The following ITGA1 variants were observed in gnomAD, a reference collection of about 807,000 sequenced individuals.
ITGA1 encodes integrin subunit alpha 1.
In ITGA1, 85 loss-of-function variants were observed where a neutral mutation model predicts 145.9. The observed-to-expected ratio is 0.58, with a 90% CI of 0.49 to 0.70. ITGA1 has a LOEUF of 0.70. ITGA1 is among the 30% of genes least tolerant of loss of function. ITGA1 has a pLI of 0.00. For synonymous variants in ITGA1, 520 were observed against 495.3 expected (o/e 1.05, Z -0.66); for missense variants, 1,351 against 1,418.7 (o/e 0.95, Z 0.77).
chr5:52,850,943 C>G (rs1378186880), intron 2 of ITGA1, among the ~76,000 whole-genome samples: 1 of 152,168 alleles, frequency 6.6e-6, no homozygotes, highest in Non-Finnish European at 1.5e-5. Context: ...AGTAGACCAA[C>G]TGGTCAGACT....
chr5:52,907,182 A>G (rs1173357069), intron 12 of ITGA1, among the ~76,000 whole-genome samples: 1 of 152,200 alleles, frequency 6.6e-6, no homozygotes. Context: ...TAGAGTAGCT[A>G]AAGGTCAGCT....
intron 1 of ITGA1, among the ~76,000 whole-genome samples, chr5:52,848,752 G>A (rs368959694): frequency 2.5e-4 from 33 of 132,896 alleles, no homozygotes; most frequent in East Asian, 7.1e-4. Flanking sequence ...AACAGGCTGC[G>A]GTGTGTGATG....
intron 2 of ITGA1, 120 bp downstream of exon 2, chr5:52,849,605 A>G: frequency 1.0e-6 from 1 of 956,980 alleles, no homozygotes; most frequent in Non-Finnish European, 1.5e-6. Context: ...TATGGTAGAA[A>G]ATGCAGTCTA....
At chr5:52,949,840 T>C (rs1259288307) in intron 28 of ITGA1, among the ~76,000 whole-genome samples, 1 of 152,196 alleles carries the variant, frequency 6.6e-6, no homozygotes, top group African/African-American at 2.4e-5. Flanking sequence ...TCAGAAGAGC[T>C]ACTCTTATCC....
At chr5:52,893,220 G>A (rs1413150253) in intron 8 of ITGA1, among the ~76,000 whole-genome samples, 1 of 152,086 alleles carries the variant, frequency 6.6e-6, no homozygotes, top group Non-Finnish European at 1.5e-5. Flanking sequence ...AAATATATAT[G>A]TGCTGGACTG....
In ITGA1 at chr5:52,911,536, A is replaced by C. The variant is rs1468023071; in HGVS notation, c.1857+1117A>C. ...TATATAGTATATATATCTATATATT[A>C]GATACATATACTATATATAGTGTAT... On this transcript the variant is annotated intron_variant, in intron 14 of 28. Coordinates refer to ENST00000282588, the MANE Select transcript of ITGA1 (RefSeq NM_181501.2). Among the ~76,000 whole-genome samples, 915 of 119,522 alleles carry C rather than the reference A, an allele frequency of 7.7e-3. 61 individuals carry two copies. The highest frequency in any genetic ancestry group is 0.028 in the African/African-American group (876 of 31,166). The allele number at this position is 119,522 out of a possible 152,430, so 78.4% of individuals were successfully genotyped here.
At chr5:52,868,944 T>C (rs982384764) in intron 6 of ITGA1, among the ~76,000 whole-genome samples, 2 of 152,220 alleles carry the variant, frequency 1.3e-5, no homozygotes, top group Non-Finnish European at 2.9e-5. Flanking sequence ...CCAAGCTCTA[T>C]GCTATAGCTT....
rs562314145 is a variant in ITGA1 at position 52,790,421 on chromosome 5, T to C, written c.61+2007T>C. Among the ~76,000 whole-genome samples the C allele has an allele frequency of 1.2e-3, 182 of 152,312 alleles. 1 individual carries two copies. Among genetic ancestry groups the C allele is most frequent in the African/African-American group, 4.1e-3 (172 of 41,568 alleles). On this transcript the variant is annotated intron_variant, in intron 1 of 28. Transcript: ENST00000282588. ...AGCTTAAAACAACATAAATTTACTA[T>C]TGTACAGTTCTGTAGGTCAGAAGTA...
chr5:52,871,131 T>G (rs138808869), intron 6 of ITGA1, among the ~76,000 whole-genome samples: 3 of 152,336 alleles, frequency 2.0e-5, no homozygotes, highest in African/African-American at 7.2e-5. Flanking sequence ...TTAGTAGAAG[T>G]AGGAGAGAAG....
chr5:52,904,316 G>A (rs1750362853), intron 11 of ITGA1: 1 of 152,228 alleles, frequency 6.6e-6, no homozygotes, highest in Non-Finnish European at 1.5e-5. Flanking sequence ...CTCATGGTCA[G>A]ATTAACCCAT....
At chr5:52,820,914 C>T (rs56410424) in intron 1 of ITGA1, among the ~76,000 whole-genome samples, 20,055 of 152,100 alleles carry the variant, frequency 0.13, 1,368 homozygotes, top group Middle Eastern at 0.24. Context: ...CCCCTTAGCC[C>T]AGTGGAAAGA....
In ITGA1 at chr5:52,918,719, T is replaced by C. The variant is rs200827400; in HGVS notation, c.1989-13T>C. On this transcript the variant is annotated splice_polypyrimidine_tract_variant and intron_variant, in intron 15 of 28. Transcript: ENST00000282588. ...TAAAAATGTGTGAGTAATCCCATTG[T>C]TTTTGTTTGTAGGTCCCGAGATGTG... is the stretch of plus-strand genomic sequence containing the variant. 146 of 1,597,032 alleles carry C rather than the reference T, an allele frequency of 9.1e-5. No homozygotes were observed. The highest frequency in any genetic ancestry group is 2.8e-5 in the Non-Finnish European group (33 of 1,174,410).
At chr5:52,918,699 A>C (rs972087069) in intron 15 of ITGA1, 33 bp from the exon 16 acceptor site, 2 of 1,583,856 alleles carry the variant, frequency 1.3e-6, no homozygotes, top group Non-Finnish European at 1.7e-6. Flanking sequence ...AAATGTAAAA[A>C]TGTGTGAGTA....
chr5:52,942,532 GTTT>G (rs34805605), intron 26 of ITGA1, among the ~76,000 whole-genome samples: 2 of 133,418 alleles, frequency 1.5e-5, no homozygotes, highest in Non-Finnish European at 1.6e-5. Context: ...TGTAAATGGA[GTTT>G]TTTTTTTTTT....
chr5:52,913,316 A>G (rs866957402), intron 14 of ITGA1, among the ~76,000 whole-genome samples: 1 of 152,170 alleles, frequency 6.6e-6, no homozygotes, highest in Non-Finnish European at 1.5e-5. Context: ...CTGTTATAAT[A>G]AATTGCATTA....
intron 1 of ITGA1, among the ~76,000 whole-genome samples, chr5:52,823,537 A>G (rs189871243): frequency 1.3e-5 from 2 of 152,310 alleles, no homozygotes; most frequent in Admixed American, 6.5e-5. Flanking sequence ...ATTATGTCCA[A>G]TAAGTCCATC....
intron 28 of ITGA1, among the ~76,000 whole-genome samples, chr5:52,951,121 G>C (rs1265159895): frequency 6.6e-6 from 1 of 151,796 alleles, no homozygotes; most frequent in African/African-American, 2.4e-5. Context: ...TATTTTTGAG[G>C]GTTTATCCCC....
intron 1 of ITGA1, among the ~76,000 whole-genome samples, chr5:52,845,275 T>G (rs73756268): frequency 0.29 from 43,620 of 151,916 alleles, 6,721 homozygotes; most frequent in African/African-American, 0.4. Flanking sequence ...TGATTAAAGA[T>G]GATCCTTTTC....
intron 11 of ITGA1, among the ~76,000 whole-genome samples, chr5:52,900,650 A>C (rs998275653): frequency 6.6e-6 from 1 of 152,226 alleles, no homozygotes; most frequent in Non-Finnish European, 1.5e-5. Context: ...GTTATGGTAC[A>C]AGGTGTACAA....
Sources: gnomAD v4.1 joint callset for allele counts (sites outside exome capture counted in the v4.1 genomes callset) on GRCh38, gnomAD v4.1.1 for gene constraint, MANE v1.5 for transcripts, NCBI Gene and HGNC (gene_info 2026-07-23, HGNC 2026-07-21) for gene names.